NIBAN1: variants seen among roughly 807,000 people sequenced by gnomAD.
The protein encoded by NIBAN1 is niban apoptosis regulator 1.
In NIBAN1, 81 loss-of-function variants were observed where a neutral mutation model predicts 75.1. The observed-to-expected ratio is 1.08, with a 90% CI of 0.90 to 1.30. NIBAN1 has a LOEUF of 1.30. NIBAN1 is among the 50% of genes most tolerant of loss of function. NIBAN1 has a pLI of 0.00. For synonymous variants in NIBAN1, 436 were observed against 424.8 expected (o/e 1.03, Z -0.32); for missense variants, 1,133 against 1,128.1 (o/e 1.00, Z -0.06).
intron 1 of NIBAN1, among the ~76,000 whole-genome samples, chr1:184,917,125 G>A (rs556015357): frequency 6.6e-6 from 1 of 151,930 alleles, no homozygotes; most frequent in Non-Finnish European, 1.5e-5. Context: ...CTCCGCTGCA[G>A]ACAAATGAGC....
chr1:184,880,379 G>A (rs1045315947), intron 5 of NIBAN1, among the ~76,000 whole-genome samples: 9 of 152,176 alleles, frequency 5.9e-5, no homozygotes, highest in African/African-American at 1.9e-4. Context: ...GTGAATATCT[G>A]ATGAAGTTGC....
Position 184,795,003 on chromosome 1 carries a change from A to G in NIBAN1, c.2761T>C (p.Phe921Leu), listed in dbSNP as rs1266004622. The G allele has an allele frequency of 6.2e-7, 1 of 1,611,968 alleles. No homozygotes were observed. Residue 921 changes from phenylalanine (F) to leucine (L), a missense_variant, in exon 14 of 14, where the codon TTC becomes CTC. Coordinates refer to ENST00000367511, the MANE Select transcript of NIBAN1 (RefSeq NM_052966.4). ...VKEGEGGQES[F>L]PELPSEE is the part of the protein sequence containing the mutation. ...CACTCCTCTGAGGGCAGCTCTGGGA[A>G]ACTCTCCTGACCACCTTCTCCCTCC...
At chr1:184,950,096 C>T (rs1206386481) in intron 1 of NIBAN1, among the ~76,000 whole-genome samples, 3 of 151,956 alleles carry the variant, frequency 2.0e-5, no homozygotes, top group African/African-American at 7.3e-5. Flanking sequence ...TTAAAAAAAA[C>T]AAGAGTTATA....
chr1:184,818,731 C>A lies in NIBAN1; in HGVS notation c.1080G>T (p.Ser360=), dbSNP rs111420352. 1 of 1,613,580 alleles carries A rather than the reference C, an allele frequency of 6.2e-7. No homozygotes were observed. The highest frequency in any genetic ancestry group is 1.1e-5 in the South Asian group (1 of 91,056). Reference sequence around the variant, plus strand: ...AGAGTACACGTACTTCACTGAATCCCGAGCTCACTGGTCCCATGAGCTCCT... The same window carrying A: ...AGAGTACACGTACTTCACTGAATCCAGAGCTCACTGGTCCCATGAGCTCCT... The part of the protein sequence containing the change: ...ILEELMGPVS[S]GFSEVRVLFE... Residue 360 remains serine (S), a synonymous_variant, in exon 9 of 14, where the codon TCG becomes TCT. Coordinates refer to ENST00000367511, the MANE Select transcript of NIBAN1 (RefSeq NM_052966.4).
At chr1:184,889,490 G>GT (rs1163089514) in intron 4 of NIBAN1, among the ~76,000 whole-genome samples, 3 of 151,988 alleles carry the variant, frequency 2.0e-5, no homozygotes, top group South Asian at 4.2e-4. Context: ...TTATTAAAAG[G>GT]TTTTTTGTCT....
chr1:184,796,313 A>G (rs1316294430), intron 13 of NIBAN1, among the ~76,000 whole-genome samples: 1 of 152,214 alleles, frequency 6.6e-6, no homozygotes, highest in African/African-American at 2.4e-5. Flanking sequence ...CATTTGCAGG[A>G]CATTTAACAT....
intron 1 of NIBAN1, among the ~76,000 whole-genome samples, chr1:184,970,169 CAAAAA>C (rs540891439): frequency 1.4e-5 from 1 of 71,518 alleles, no homozygotes; most frequent in African/African-American, 4.1e-5. Flanking sequence ...GACCCTGTCT[CAAAAA>C]AAAAAAAAAA....
chr1:184,899,940 C>T (rs1342360566), intron 1 of NIBAN1, among the ~76,000 whole-genome samples: 2 of 151,792 alleles, frequency 1.3e-5, no homozygotes, highest in African/African-American at 4.8e-5. Context: ...CCTCAGCCTC[C>T]TGAGTAGCTG....
At chr1:184,944,108 C>G (rs1658164965) in intron 1 of NIBAN1, among the ~76,000 whole-genome samples, 1 of 152,126 alleles carries the variant, frequency 6.6e-6, no homozygotes, top group Admixed American at 6.5e-5. Flanking sequence ...AGAAGATATC[C>G]AAGTACCACT....
rs540426265 is a variant in NIBAN1 at position 184,815,045 on chromosome 1, T to C, written c.1173+3593A>G. Among the ~76,000 whole-genome samples, 10 of 152,302 alleles carry C rather than the reference T, an allele frequency of 6.6e-5. No individual in the cohort carries two copies. In the East Asian group the frequency reaches 1.9e-3, roughly 29 times the overall value. ...AATTGTGGAAACAGTTTAGAACCAA[T>C]ATTCACTTCCATATTCCTGGGGAAA... On this transcript the variant is annotated intron_variant, in intron 9 of 13. Coordinates refer to ENST00000367511, the MANE Select transcript of NIBAN1 (RefSeq NM_052966.4).
chr1:184,934,665 G>A (rs1432603982), intron 1 of NIBAN1, among the ~76,000 whole-genome samples: 2 of 152,202 alleles, frequency 1.3e-5, no homozygotes, highest in Admixed American at 1.3e-4. Flanking sequence ...GGGAGGCTGA[G>A]GCGGGTGGAT....
Position 184,823,324 on chromosome 1 carries a change from G to A in NIBAN1, c.828C>T (p.Leu276=), listed in dbSNP as rs765502773. The change falls in exon 8 of 14, where the codon CTC becomes CTT. Residue 276 remains leucine, a synonymous_variant. Coordinates refer to ENST00000367511, the MANE Select transcript of NIBAN1 (RefSeq NM_052966.4). The stretch of plus-strand genomic sequence containing the variant: ...GCTGAACCAGGGTGTAGGCCTCCTC[G>A]AGGAGCTGCAACAAGGAATAACACA... ...NDRKRTWLGL[L]EEAYTLVQHQ... is the part of the protein sequence containing the mutation. 6.8e-6 allele frequency: 11 copies of A among 1,613,836 alleles called. No homozygotes were observed. In the Admixed American group the frequency reaches 8.3e-5, roughly 12 times the overall value.
chr1:184,813,726 T>C (rs1310633831), intron 9 of NIBAN1, among the ~76,000 whole-genome samples: 1 of 152,162 alleles, frequency 6.6e-6, no homozygotes, highest in African/African-American at 2.4e-5. Flanking sequence ...ATGCCAGAAA[T>C]GTTGTATAAT....
intron 9 of NIBAN1, among the ~76,000 whole-genome samples, chr1:184,809,663 A>ATG (rs1227949630): frequency 2.3e-5 from 3 of 132,176 alleles, no homozygotes; most frequent in South Asian, 4.9e-4. Context: ...ACACATATAT[A>ATG]TGTGTGTGTG....
At chr1:184,865,759 T>C (rs904125928) in intron 5 of NIBAN1, among the ~76,000 whole-genome samples, 1 of 152,148 alleles carries the variant, frequency 6.6e-6, no homozygotes, top group African/African-American at 2.4e-5. Flanking sequence ...TCATTAATCA[T>C]CCAAATAATA....
intron 12 of NIBAN1, 43 bp from the exon 13 acceptor site, chr1:184,798,233 G>C: frequency 6.4e-6 from 8 of 1,259,436 alleles, no homozygotes; most frequent in Non-Finnish European, 9.1e-6. Context: ...AAAGGCATGA[G>C]ATGCCTGTTC....
intron 9 of NIBAN1, among the ~76,000 whole-genome samples, chr1:184,816,943 G>C (rs1654554115): frequency 6.6e-6 from 1 of 151,916 alleles, no homozygotes; most frequent in South Asian, 2.1e-4. Context: ...TTGTTACATA[G>C]GTATACATGT....
chr1:184,798,036 C>A, intron 13 of NIBAN1, 43 bp downstream of exon 13: 1 of 1,331,196 alleles, frequency 7.5e-7, no homozygotes, highest in Non-Finnish European at 1.1e-6. Context: ...AGGGATGCTC[C>A]CCTCTATGGA....
At chr1:184,964,260 C>G (rs1658722400) in intron 1 of NIBAN1, among the ~76,000 whole-genome samples, 1 of 152,138 alleles carries the variant, frequency 6.6e-6, no homozygotes, top group Non-Finnish European at 1.5e-5. Context: ...TCCCTTCAGT[C>G]AGGACTTCTA....
Sources: allele counts gnomAD v4.1 joint callset (sites outside exome capture counted in the v4.1 genomes callset), GRCh38; gene constraint gnomAD v4.1.1; transcripts MANE v1.5; gene names NCBI Gene and HGNC (gene_info 2026-07-23, HGNC 2026-07-21).